Variants in OTUD7A observed in about 807,000 individuals in gnomAD.
OTUD7A encodes OTU domain-containing protein 7A.
OTUD7A carries 12 observed loss-of-function variants against 65.7 expected under a neutral mutation model. The observed-to-expected ratio is 0.18, with a 90% CI of 0.12 to 0.30. The LOEUF is 0.30. Among genes scored for constraint, OTUD7A ranks in the 10% least tolerant of loss-of-function variants. The pLI is 1.00. For missense variants in OTUD7A, 1,148 were observed against 1,304.8 expected (o/e 0.88, Z 1.85); for synonymous variants, 641 against 586.3 (o/e 1.09, Z -1.35).
intron 3 of OTUD7A, among the ~76,000 whole-genome samples, chr15:31,605,848 C>T (rs1050879497): frequency 1.3e-5 from 2 of 152,146 alleles, no homozygotes; most frequent in Non-Finnish European, 2.9e-5. Flanking sequence ...CTCCAGCCAC[C>T]GGGGAGACTG....
At chr15:31,731,629 T>A (rs1163285091) in intron 1 of OTUD7A, among the ~76,000 whole-genome samples, 1 of 152,172 alleles carries the variant, frequency 6.6e-6, no homozygotes, top group African/African-American at 2.4e-5. Context: ...GGTAGATGCA[T>A]GTCATTATAC....
chr15:31,741,394 T>C (rs1385039149), intron 1 of OTUD7A, among the ~76,000 whole-genome samples: 1 of 152,094 alleles, frequency 6.6e-6, no homozygotes, highest in Non-Finnish European at 1.5e-5. Context: ...GTTTGATACA[T>C]AGGCATACAT....
At chr15:31,772,315 C>A (rs2140914958) in intron 1 of OTUD7A, among the ~76,000 whole-genome samples, 1 of 152,164 alleles carries the variant, frequency 6.6e-6, no homozygotes, top group African/African-American at 2.4e-5. Context: ...TGTTTATATC[C>A]CTCTGATAGA....
intron 1 of OTUD7A, among the ~76,000 whole-genome samples, chr15:31,808,226 A>G (rs560654916): frequency 1.6e-4 from 24 of 152,148 alleles, no homozygotes; most frequent in Admixed American, 1.3e-3. Flanking sequence ...GCCAGGATGA[A>G]CTGTCAAAGC....
At chr15:31,832,825 G>A (rs1896968440) in intron 1 of OTUD7A, among the ~76,000 whole-genome samples, 1 of 152,208 alleles carries the variant, frequency 6.6e-6, no homozygotes, top group African/African-American at 2.4e-5. Flanking sequence ...GAATATGCCA[G>A]ATTTTGCTTA....
chr15:31,810,138 G>A (rs1028624171), intron 1 of OTUD7A, among the ~76,000 whole-genome samples: 1 of 152,170 alleles, frequency 6.6e-6, no homozygotes, highest in Non-Finnish European at 1.5e-5. Flanking sequence ...AGCTTCGGGA[G>A]GCCAGAGGGG....
intron 8 of OTUD7A, among the ~76,000 whole-genome samples, chr15:31,508,383 C>T (rs992446864): frequency 4.6e-5 from 6 of 129,234 alleles, no homozygotes; most frequent in Admixed American, 3.2e-4. Flanking sequence ...GAGTCTTGCT[C>T]TGTCACCCAG....
chr15:31,590,575 C>T (rs573989812), intron 3 of OTUD7A, among the ~76,000 whole-genome samples: 17 of 152,206 alleles, frequency 1.1e-4, no homozygotes, highest in African/African-American at 2.6e-4. Context: ...ATTCCACAGA[C>T]GAAATTATCT....
chr15:31,810,672 C>A (rs1325602734), intron 1 of OTUD7A, among the ~76,000 whole-genome samples: 1 of 152,194 alleles, frequency 6.6e-6, no homozygotes, highest in Non-Finnish European at 1.5e-5. Context: ...TTTTGTATGG[C>A]AGTCCAAGCA....
chr15:31,842,313 A>G (rs1356614256), intron 1 of OTUD7A, among the ~76,000 whole-genome samples: 4 of 152,196 alleles, frequency 2.6e-5, no homozygotes, highest in African/African-American at 9.7e-5. Flanking sequence ...ACTTGGCTGC[A>G]TTTATTAAGC....
At chr15:31,838,149 T>C (rs1485745236) in intron 1 of OTUD7A, among the ~76,000 whole-genome samples, 1 of 152,162 alleles carries the variant, frequency 6.6e-6, no homozygotes, top group South Asian at 2.1e-4. Context: ...TTACATAAAA[T>C]GCAAAACTAC....
chr15:31,857,893 T>A (rs1897618531), intron 1 of OTUD7A, among the ~76,000 whole-genome samples: 1 of 152,190 alleles, frequency 6.6e-6, no homozygotes, highest in Non-Finnish European at 1.5e-5. Context: ...TTCAGTTCCT[T>A]CTTGGGCAAC....
intron 12 of OTUD7A, among the ~76,000 whole-genome samples, chr15:31,485,499 G>A (rs1410957210): frequency 1.3e-5 from 2 of 152,150 alleles, no homozygotes; most frequent in African/African-American, 4.8e-5. Flanking sequence ...ACGCTGGGGA[G>A]CACTTCTTGG....
chr15:31,699,880 C>G (rs1206084386), intron 1 of OTUD7A, among the ~76,000 whole-genome samples: 2 of 151,986 alleles, frequency 1.3e-5, no homozygotes, highest in Non-Finnish European at 2.9e-5. Flanking sequence ...GTGGAAGTGA[C>G]GTTACAGTTA....
intron 1 of OTUD7A, among the ~76,000 whole-genome samples, chr15:31,848,305 A>G (rs538897869): frequency 6.6e-6 from 1 of 152,218 alleles, no homozygotes; most frequent in South Asian, 2.1e-4. Flanking sequence ...AATAGCAAAA[A>G]CAGGGGTAAG....
intron 1 of OTUD7A, among the ~76,000 whole-genome samples, chr15:31,776,519 T>C (rs1199648633): frequency 6.6e-6 from 1 of 152,176 alleles, no homozygotes; most frequent in Non-Finnish European, 1.5e-5. Flanking sequence ...GCAGCTGCCC[T>C]GTCCTAATAA....
chr15:31,827,766 A>C (rs1169056667), intron 1 of OTUD7A, among the ~76,000 whole-genome samples: 3 of 152,060 alleles, frequency 2.0e-5, no homozygotes, highest in Non-Finnish European at 4.4e-5. Flanking sequence ...GTCTCTACTA[A>C]AAATACAAAA....
chr15:31,727,081 G>A (rs370487743), intron 1 of OTUD7A, among the ~76,000 whole-genome samples: 3 of 152,160 alleles, frequency 2.0e-5, no homozygotes, highest in African/African-American at 4.8e-5. Flanking sequence ...AGGTCCAAGC[G>A]CTCATTCTCC....
intron 1 of OTUD7A, among the ~76,000 whole-genome samples, chr15:31,738,952 A>G (rs1233019243): frequency 2.0e-5 from 3 of 152,218 alleles, no homozygotes; most frequent in Non-Finnish European, 4.4e-5. Context: ...ATCAGATCAG[A>G]TACCAAGTAC....
Sources: allele counts gnomAD v4.1 joint callset (sites outside exome capture counted in the v4.1 genomes callset), GRCh38; gene constraint gnomAD v4.1.1; transcripts MANE v1.5; gene names NCBI Gene and HGNC (gene_info 2026-07-23, HGNC 2026-07-21).